The following TENM3 variants were observed in gnomAD, a reference collection of about 807,000 sequenced individuals.
The protein encoded by TENM3 is teneurin-3.
Under a neutral mutation model 255.1 loss-of-function variants are expected in TENM3, and 63 were observed. That is an observed-to-expected ratio of 0.25 (90% confidence interval 0.20 to 0.30). TENM3 has a LOEUF of 0.30. TENM3 is among the 10% of genes least tolerant of loss of function. The pLI, the probability that TENM3 is intolerant of heterozygous loss-of-function variation, is 1.00. For synonymous variants in TENM3, 1,306 were observed against 1,322.3 expected (o/e 0.99, Z 0.27); for missense variants, 2,929 against 3,461.1 (o/e 0.85, Z 3.86).
the TENM3 span, among the ~76,000 whole-genome samples, chr4:181,944,650 C>A: frequency 6.6e-6 from 1 of 152,088 alleles, no homozygotes; most frequent in Non-Finnish European, 1.5e-5. Context: ...TGGCCGGAGC[C>A]ACCGTGCCCC....
chr4:181,867,568 C>G, the TENM3 span, among the ~76,000 whole-genome samples: 2 of 152,174 alleles, frequency 1.3e-5, no homozygotes, highest in African/African-American at 4.8e-5. Context: ...CAATAGACAG[C>G]TACAGATCTC....
chr4:181,669,888 C>T, the TENM3 span, among the ~76,000 whole-genome samples: 2 of 152,044 alleles, frequency 1.3e-5, no homozygotes, highest in African/African-American at 4.8e-5. Context: ...TGAAACATTC[C>T]AGCACATCAG....
At chr4:182,021,400 G>C in the TENM3 span, among the ~76,000 whole-genome samples, 3 of 151,894 alleles carry the variant, frequency 2.0e-5, no homozygotes, top group African/African-American at 7.3e-5. Context: ...CTCCCATCCT[G>C]GGCCTTTGCG....
chr4:182,210,913 C>G (rs1017786412), intron 1 of TENM3, among the ~76,000 whole-genome samples: 12 of 152,158 alleles, frequency 7.9e-5, no homozygotes, highest in African/African-American at 2.7e-4. Context: ...TTGTTTAGCT[C>G]TGCATGACCA....
chr4:181,953,937 A>C, the TENM3 span, among the ~76,000 whole-genome samples: 1 of 152,186 alleles, frequency 6.6e-6, no homozygotes, highest in Non-Finnish European at 1.5e-5. Context: ...CTTCTCAGTC[A>C]GTCCTACACA....
the TENM3 span, among the ~76,000 whole-genome samples, chr4:181,701,916 C>T: frequency 2.6e-5 from 4 of 152,124 alleles, no homozygotes; most frequent in South Asian, 2.1e-4. Context: ...AGGCTTTTGG[C>T]GTATGATGGC....
rs553127423 is a variant in TENM3, at chr4:182,292,370, A to G, written c.-75-31576A>G. On this transcript the variant is annotated intron_variant, in intron 1 of 27. Transcript: ENST00000511685. ...CACCTCAAAAAAATGAACAGTGCCT[A>G]TCTTGGTAATAGATTGCTTGTCTCA... Among the ~76,000 whole-genome samples the G allele has an allele frequency of 2.0e-5, 3 of 152,332 alleles. No individual in the cohort carries two copies. The South Asian group carries it at 6.2e-4, about 32-fold the overall frequency.
At chr4:182,756,163 T>C (rs901103478) in intron 22 of TENM3, among the ~76,000 whole-genome samples, 3 of 152,232 alleles carry the variant, frequency 2.0e-5, no homozygotes, top group Admixed American at 1.3e-4. Context: ...CAGTGAACTT[T>C]GCTGATTACG....
chr4:182,511,571 T>C (rs1392944138), intron 3 of TENM3, among the ~76,000 whole-genome samples: 2 of 152,228 alleles, frequency 1.3e-5, no homozygotes, highest in Non-Finnish European at 1.5e-5. Flanking sequence ...AACTTCAGTG[T>C]AAAATTTAGT....
At chr4:182,293,755 AC>A (rs1336957757) in intron 1 of TENM3, among the ~76,000 whole-genome samples, 1 of 148,208 alleles carries the variant, frequency 6.7e-6, no homozygotes, top group African/African-American at 2.5e-5. Flanking sequence ...TAAAGCGCCC[AC>A]CCCGAGTCCC....
chr4:182,474,527 C>A (rs1005318918), intron 3 of TENM3, among the ~76,000 whole-genome samples: 13 of 152,152 alleles, frequency 8.5e-5, no homozygotes, highest in African/African-American at 2.9e-4. Flanking sequence ...AAACTTCACA[C>A]CCCGTTTCCA....
At chr4:181,719,224 A>C in the TENM3 span, among the ~76,000 whole-genome samples, 1 of 151,194 alleles carries the variant, frequency 6.6e-6, no homozygotes, top group African/African-American at 2.4e-5. Context: ...AAAAATAAAT[A>C]AATAAATAAA....
the TENM3 span, among the ~76,000 whole-genome samples, chr4:181,605,175 G>C: frequency 6.6e-6 from 1 of 151,828 alleles, no homozygotes; most frequent in Admixed American, 6.6e-5. Flanking sequence ...AGCCGGCGTG[G>C]TGGCTCACGC....
chr4:182,496,036 C>G (rs1162990194), intron 3 of TENM3, among the ~76,000 whole-genome samples: 2 of 152,288 alleles, frequency 1.3e-5, no homozygotes, highest in East Asian at 3.9e-4. Context: ...GTAATGAGAT[C>G]TGTAATGAGG....
intron 13 of TENM3, among the ~76,000 whole-genome samples, chr4:182,715,718 C>A (rs1759103334): frequency 6.6e-6 from 1 of 152,082 alleles, no homozygotes; most frequent in South Asian, 2.1e-4. Context: ...CGACCAGAAC[C>A]AACCCCTCAA....
the TENM3 span, among the ~76,000 whole-genome samples, chr4:182,108,620 T>C: frequency 9.9e-4 from 151 of 152,298 alleles, 1 homozygote; most frequent in African/African-American, 3.6e-3. Context: ...TAGGCTCATA[T>C]GGAGAGGGGT....
At chr4:182,233,042 G>A (rs1356218779) in intron 1 of TENM3, among the ~76,000 whole-genome samples, 1 of 151,982 alleles carries the variant, frequency 6.6e-6, no homozygotes, top group Non-Finnish European at 1.5e-5. Context: ...CTGAGGATAA[G>A]GGGAGACTCT....
intron 1 of TENM3, among the ~76,000 whole-genome samples, chr4:182,267,824 T>C (rs1759339484): frequency 6.6e-6 from 1 of 152,210 alleles, no homozygotes; most frequent in South Asian, 2.1e-4. Context: ...GATTTGTCTT[T>C]AATAAAAATG....
chr4:181,590,993 CTT>C, the TENM3 span, among the ~76,000 whole-genome samples: 1 of 152,060 alleles, frequency 6.6e-6, no homozygotes, highest in Non-Finnish European at 1.5e-5. Flanking sequence ...TGATATTATT[CTT>C]TGTTTACATC....
Sources: allele counts gnomAD v4.1 joint callset (sites outside exome capture counted in the v4.1 genomes callset), GRCh38; gene constraint gnomAD v4.1.1; transcripts MANE v1.5; gene names NCBI Gene and HGNC (gene_info 2026-07-23, HGNC 2026-07-21).